Variants in CFAP221 observed in about 807,000 individuals in gnomAD.
The protein encoded by CFAP221 is cilia- and flagella-associated protein 221.
Under a neutral mutation model 113.1 loss-of-function variants are expected in CFAP221, and 97 were observed. The ratio of observed to expected loss-of-function variants is 0.86; its 90% CI spans 0.73 to 1.02. CFAP221 has a LOEUF of 1.02. Among genes scored for constraint, CFAP221 ranks in the 50% least tolerant of loss-of-function variants. CFAP221 has a pLI of 0.00. For missense variants in CFAP221, 1,025 were observed against 1,013.4 expected (o/e 1.01, Z -0.16); for synonymous variants, 331 against 354.4 (o/e 0.93, Z 0.74).
At chr2:119,544,717 G>A (rs934010236) in intron 1 of CFAP221, among the ~76,000 whole-genome samples, 3 of 152,202 alleles carry the variant, frequency 2.0e-5, no homozygotes, top group Non-Finnish European at 2.9e-5. Flanking sequence ...CCCTTAGCAG[G>A]AGTGGAATGA....
At chr2:119,547,195 G>C (rs569140975) in intron 2 of CFAP221, among the ~76,000 whole-genome samples, 1 of 152,158 alleles carries the variant, frequency 6.6e-6, no homozygotes. Context: ...ACCATTTCTG[G>C]GCATTAGAAG....
intron 15 of CFAP221, among the ~76,000 whole-genome samples, chr2:119,626,549 T>C (rs1309617624): frequency 6.6e-6 from 1 of 152,172 alleles, no homozygotes; most frequent in Non-Finnish European, 1.5e-5. Flanking sequence ...TACTTGCTGA[T>C]TGACTGGCTG....
intron 23 of CFAP221, among the ~76,000 whole-genome samples, chr2:119,655,212 C>T (rs987716479): frequency 6.6e-5 from 10 of 152,186 alleles, no homozygotes; most frequent in Non-Finnish European, 1.2e-4. Flanking sequence ...GCCTGGACAG[C>T]GGTCTTGGCC....
At chr2:119,598,101 G>T (rs1352120103) in intron 7 of CFAP221, among the ~76,000 whole-genome samples, 1 of 152,076 alleles carries the variant, frequency 6.6e-6, no homozygotes, top group African/African-American at 2.4e-5. Context: ...TAGGGAGAGT[G>T]ATCTGTACTT....
At chr2:119,554,326 G>C (rs556974613) in intron 3 of CFAP221, among the ~76,000 whole-genome samples, 1 of 152,240 alleles carries the variant, frequency 6.6e-6, no homozygotes, top group African/African-American at 2.4e-5. Context: ...TGAAATCAGT[G>C]TTTCAATTTA....
chr2:119,561,920 G>C, intron 5 of CFAP221, 94 bp from the exon 6 acceptor site: 1 of 829,994 alleles, frequency 1.2e-6, no homozygotes, highest in Non-Finnish European at 1.9e-6. Context: ...ATTTTTTAAC[G>C]ATGGAAACAA....
chr2:119,560,147 C>T (rs992799968), intron 5 of CFAP221, 121 bp downstream of exon 5: 37 of 773,870 alleles, frequency 4.8e-5, no homozygotes, highest in African/African-American at 1.2e-4. Flanking sequence ...GGCCCAGTAC[C>T]GGGTGTTCCC....
downstream of CFAP221, among the ~76,000 whole-genome samples, chr2:119,658,761 G>A (rs769809796): frequency 8.6e-5 from 13 of 151,892 alleles, no homozygotes; most frequent in Non-Finnish European, 1.3e-4. Flanking sequence ...TGAGCAGATC[G>A]CTTGAGCCTA....
At chr2:119,593,547 C>T (rs1176227672) in intron 7 of CFAP221, among the ~76,000 whole-genome samples, 1 of 152,070 alleles carries the variant, frequency 6.6e-6, no homozygotes, top group African/African-American at 2.4e-5. Context: ...TCTTTAAACA[C>T]CAGCTCTCTT....
At chr2:119,589,626 C>T (rs1391728177) in intron 7 of CFAP221, 3 of 152,202 alleles carry the variant, frequency 2.0e-5, no homozygotes, top group African/African-American at 7.2e-5. Context: ...ATCATCTACG[C>T]ACACCTTCCA....
intron 8 of CFAP221, chr2:119,602,791 A>G (rs1431945899): frequency 3.0e-6 from 3 of 984,708 alleles, no homozygotes; most frequent in Non-Finnish European, 3.6e-6. Flanking sequence ...GCCACTTCAC[A>G]TCAGGTGCTA....
At chr2:119,624,140 C>T (rs892168861) in intron 14 of CFAP221, among the ~76,000 whole-genome samples, 3 of 152,072 alleles carry the variant, frequency 2.0e-5, no homozygotes, top group Non-Finnish European at 4.4e-5. Flanking sequence ...GGCTAATATC[C>T]AGAATATACA....
downstream of CFAP221, among the ~76,000 whole-genome samples, chr2:119,659,290 G>T (rs116698080): frequency 0.014 from 2,068 of 152,258 alleles, 23 homozygotes; most frequent in Non-Finnish European, 0.02. Flanking sequence ...TAAAATACTG[G>T]TTCCCGAATT....
chr2:119,632,533 G>A (rs1209424514), intron 19 of CFAP221, among the ~76,000 whole-genome samples: 2 of 152,024 alleles, frequency 1.3e-5, no homozygotes, highest in East Asian at 1.9e-4. Context: ...AACATCAAAC[G>A]GAGTAGTAAA....
chr2:119,582,736 G>A (rs867033696), intron 6 of CFAP221, among the ~76,000 whole-genome samples: 4 of 152,032 alleles, frequency 2.6e-5, no homozygotes, highest in Non-Finnish European at 4.4e-5. Context: ...GATTACAGGC[G>A]TGAGCCACAG....
chr2:119,605,470 C>T (rs890883931), intron 11 of CFAP221, among the ~76,000 whole-genome samples, 181 bp downstream of exon 11: 2 of 152,200 alleles, frequency 1.3e-5, no homozygotes, highest in African/African-American at 4.8e-5. Flanking sequence ...TATATGTGAC[C>T]AAACCACACT....
At chr2:119,594,240 G>GT (rs1683798266) in intron 7 of CFAP221, among the ~76,000 whole-genome samples, 1 of 151,392 alleles carries the variant, frequency 6.6e-6, no homozygotes, top group South Asian at 2.1e-4. Context: ...TTTTTCATGT[G>GT]TATTTTTTTT....
chr2:119,594,474 G>C (rs988133470), intron 7 of CFAP221, among the ~76,000 whole-genome samples: 2 of 152,062 alleles, frequency 1.3e-5, no homozygotes, highest in African/African-American at 4.8e-5. Flanking sequence ...TTGAACTTCT[G>C]ACCTCATGAT....
chr2:119,638,544 A>G, intron 20 of CFAP221, 127 bp downstream of exon 20: 1 of 1,229,038 alleles, frequency 8.1e-7, no homozygotes, highest in Non-Finnish European at 1.2e-6. Context: ...CAAGAATGGT[A>G]ACACCGCCCC....
Sources: gnomAD v4.1 joint callset for allele counts (sites outside exome capture counted in the v4.1 genomes callset) on GRCh38, gnomAD v4.1.1 for gene constraint, MANE v1.5 for transcripts, NCBI Gene and HGNC (gene_info 2026-07-23, HGNC 2026-07-21) for gene names.